The following TRABD2B variants were observed in gnomAD, a reference collection of about 807,000 sequenced individuals.
The protein encoded by TRABD2B is TraB domain containing 2B.
A neutral mutation model predicts 40.1 loss-of-function variants in TRABD2B; 14 were observed. That is an observed-to-expected ratio of 0.35 (90% CI 0.23 to 0.55). The LOEUF (loss-of-function observed/expected upper bound fraction) is 0.55. Ranked by LOEUF, TRABD2B falls within the 20% of genes least tolerant of loss-of-function variation. The pLI is 0.90. For synonymous variants in TRABD2B, 263 were observed against 277.0 expected (o/e 0.95, Z 0.50); for missense variants, 541 against 648.6 (o/e 0.83, Z 1.80).
chr1:47,853,237 C>A (rs1350629688), intron 2 of TRABD2B, among the ~76,000 whole-genome samples: 1 of 152,218 alleles, frequency 6.6e-6, no homozygotes, highest in Non-Finnish European at 1.5e-5. Flanking sequence ...ACTCCACATT[C>A]CTCAGTCTGC....
intron 2 of TRABD2B, among the ~76,000 whole-genome samples, chr1:47,857,274 C>T (rs1255350175): frequency 1.3e-5 from 2 of 152,128 alleles, no homozygotes; most frequent in Admixed American, 6.5e-5. Context: ...TATCCTGGAC[C>T]CTCCCCCTTC....
chr1:47,866,041 C>T (rs1644051825), intron 2 of TRABD2B, among the ~76,000 whole-genome samples: 1 of 130,072 alleles, frequency 7.7e-6, no homozygotes, highest in African/African-American at 2.9e-5. Context: ...TGAGTAAGTA[C>T]TTTGACTCTT....
intron 2 of TRABD2B, among the ~76,000 whole-genome samples, chr1:47,825,338 C>A (rs779652344): frequency 5.3e-5 from 8 of 152,226 alleles, no homozygotes; most frequent in African/African-American, 9.7e-5. Context: ...GTGGCTCCCA[C>A]TGCCTCCTTA....
At chr1:47,803,654 G>A (rs980918776) in intron 2 of TRABD2B, among the ~76,000 whole-genome samples, 6 of 152,180 alleles carry the variant, frequency 3.9e-5, no homozygotes, top group East Asian at 1.9e-4. Flanking sequence ...CTTCCACTAC[G>A]GAGTGAACAT....
chr1:47,952,365 C>T (rs982404460), intron 2 of TRABD2B, among the ~76,000 whole-genome samples: 4 of 152,204 alleles, frequency 2.6e-5, no homozygotes, highest in Non-Finnish European at 5.9e-5. Flanking sequence ...GCCTCTGCTG[C>T]CCATTCTGAT....
chr1:47,947,048 T>C (rs1203967430), intron 2 of TRABD2B, among the ~76,000 whole-genome samples: 17 of 152,188 alleles, frequency 1.1e-4, no homozygotes, highest in Non-Finnish European at 2.4e-4. Flanking sequence ...CAAACCTTTG[T>C]TGCAACCCTG....
intron 2 of TRABD2B, among the ~76,000 whole-genome samples, chr1:47,805,655 G>A (rs1056773506): frequency 4.6e-5 from 7 of 152,060 alleles, no homozygotes; most frequent in African/African-American, 9.7e-5. Context: ...CTCCTGCCCC[G>A]TACCATCATT....
chr1:47,797,422 T>C (rs998637791), intron 3 of TRABD2B, among the ~76,000 whole-genome samples: 1 of 152,104 alleles, frequency 6.6e-6, no homozygotes, highest in Non-Finnish European at 1.5e-5. Flanking sequence ...GAGAGTACCA[T>C]GAAGGCAGCA....
intron 3 of TRABD2B, among the ~76,000 whole-genome samples, chr1:47,797,583 A>C (rs1644765024): frequency 6.6e-6 from 1 of 152,046 alleles, no homozygotes; most frequent in Non-Finnish European, 1.5e-5. Context: ...AAGGACAAGA[A>C]CCCAAAAGTG....
At chr1:47,828,184 C>G (rs1645201634) in intron 2 of TRABD2B, among the ~76,000 whole-genome samples, 1 of 152,348 alleles carries the variant, frequency 6.6e-6, no homozygotes, top group Non-Finnish European at 1.5e-5. Context: ...TCCTCCTTCT[C>G]TCTAGGGCTC....
At chr1:47,989,619 T>A (rs1057123703) in intron 2 of TRABD2B, among the ~76,000 whole-genome samples, 4 of 152,186 alleles carry the variant, frequency 2.6e-5, no homozygotes, top group African/African-American at 9.7e-5. Flanking sequence ...ATGCCCAGAA[T>A]GTCTTTGAGA....
intron 2 of TRABD2B, among the ~76,000 whole-genome samples, chr1:47,816,500 C>T (rs1378199432): frequency 1.3e-5 from 2 of 152,108 alleles, no homozygotes; most frequent in African/African-American, 4.8e-5. Flanking sequence ...TTTGAATGTG[C>T]AATTTGTTTC....
At chr1:47,771,770 C>G (rs922784063) in intron 6 of TRABD2B, among the ~76,000 whole-genome samples, 11 of 152,240 alleles carry the variant, frequency 7.2e-5, no homozygotes, top group Admixed American at 2.0e-4. Flanking sequence ...TTCGTCTGCC[C>G]TTTCCATGGG....
chr1:47,772,994 G>A (rs557854423), intron 6 of TRABD2B, among the ~76,000 whole-genome samples: 2 of 152,364 alleles, frequency 1.3e-5, no homozygotes, highest in East Asian at 3.9e-4. Context: ...ATCAGGCTCT[G>A]TGTTTCGGAG....
At chr1:47,885,862 G>C (rs1187937781) in intron 2 of TRABD2B, among the ~76,000 whole-genome samples, 1 of 152,198 alleles carries the variant, frequency 6.6e-6, no homozygotes, top group African/African-American at 2.4e-5. Context: ...CACATTGCTT[G>C]CTGATAAATG....
At position 47,980,381 on chromosome 1, in the gene TRABD2B, C is replaced by T. The variant is rs1387262827; in HGVS notation, c.666+13653G>A. Among the ~76,000 whole-genome samples the T allele has an allele frequency of 2.0e-5, 3 of 152,168 alleles. No homozygotes were observed. In the East Asian group the frequency reaches 5.8e-4, roughly 29 times the overall value. ...TATGCAACAGCAAAGAGAACTAACTCCTAGACAGCAAGAATACAGGCTCAT... is the reference window on the plus strand; with the variant it reads ...TATGCAACAGCAAAGAGAACTAACTTCTAGACAGCAAGAATACAGGCTCAT... On this transcript the variant is annotated intron_variant, in intron 2 of 6. Coordinates refer to ENST00000606738, the MANE Select transcript of TRABD2B (RefSeq NM_001194986.2).
chr1:47,962,106 T>A (rs1432542946), intron 2 of TRABD2B, among the ~76,000 whole-genome samples: 1 of 151,256 alleles, frequency 6.6e-6, no homozygotes, highest in Non-Finnish European at 1.5e-5. Context: ...AGCAAACTAT[T>A]GCAACGACAG....
intron 2 of TRABD2B, among the ~76,000 whole-genome samples, chr1:47,843,217 A>G (rs551181734): frequency 6.6e-6 from 1 of 152,268 alleles, no homozygotes; most frequent in South Asian, 2.1e-4. Flanking sequence ...AGCCGGGGGC[A>G]TAAGACCTGA....
intron 2 of TRABD2B, among the ~76,000 whole-genome samples, chr1:47,910,245 T>A (rs949429280): frequency 6.6e-6 from 1 of 151,972 alleles, no homozygotes; most frequent in East Asian, 1.9e-4. Flanking sequence ...ATCTTATAGG[T>A]GAGGAAACTG....
Sources: gnomAD v4.1 joint callset for allele counts (sites outside exome capture counted in the v4.1 genomes callset) on GRCh38, gnomAD v4.1.1 for gene constraint, MANE v1.5 for transcripts, NCBI Gene and HGNC (gene_info 2026-07-23, HGNC 2026-07-21) for gene names.